ADGRE1: variants seen among roughly 807,000 people sequenced by gnomAD.
ADGRE1 encodes the protein adhesion G protein-coupled receptor E1, also known as EGF-like module receptor 1.
Under a neutral mutation model 102.7 loss-of-function variants are expected in ADGRE1, and 82 were observed. That is an observed-to-expected ratio of 0.80 (90% CI 0.67 to 0.96). The LOEUF (loss-of-function observed/expected upper bound fraction) is 0.96, where lower values mean the gene tolerates loss of function less well. Ranked by LOEUF, ADGRE1 falls within the 40% of genes least tolerant of loss-of-function variation. ADGRE1 has a pLI of 0.00. For missense variants in ADGRE1, 1,032 were observed against 1,085.3 expected (o/e 0.95, Z 0.69); for synonymous variants, 398 against 399.6 (o/e 1.00, Z 0.05).
At chr19:6,934,419 CTTTT>C (rs71177132) in intron 17 of ADGRE1, among the ~76,000 whole-genome samples, 10 of 95,448 alleles carry the variant, frequency 1.0e-4, no homozygotes, top group South Asian at 6.3e-4. Flanking sequence ...TCTTCTTCTT[CTTTT>C]TTTTTTTTTT....
chr19:6,930,740 C>T (rs1013996307), intron 17 of ADGRE1, among the ~76,000 whole-genome samples: 29 of 152,220 alleles, frequency 1.9e-4, no homozygotes, highest in Admixed American at 1.2e-3. Context: ...TGGGTTCAAG[C>T]GATTCTCCTG....
intron 12 of ADGRE1, among the ~76,000 whole-genome samples, chr19:6,918,491 G>A (rs1459782784): frequency 6.6e-6 from 1 of 152,080 alleles, no homozygotes; most frequent in Non-Finnish European, 1.5e-5. Flanking sequence ...ATGTCTGGGG[G>A]GACATCCAAG....
chr19:6,920,121 A>C (rs1377595629), intron 13 of ADGRE1, among the ~76,000 whole-genome samples: 2 of 152,136 alleles, frequency 1.3e-5, no homozygotes, highest in Non-Finnish European at 2.9e-5. Context: ...ATCTGATTGC[A>C]TCTTACAATG....
intron 11 of ADGRE1, among the ~76,000 whole-genome samples, chr19:6,915,603 C>T (rs1275548844): frequency 6.6e-6 from 1 of 152,022 alleles, no homozygotes; most frequent in African/African-American, 2.4e-5. Flanking sequence ...TGCCCCAATC[C>T]CTTACTATTT....
chr19:6,935,148 C>A, intron 18 of ADGRE1, 70 bp downstream of exon 18: 1 of 1,292,116 alleles, frequency 7.7e-7, no homozygotes, highest in Non-Finnish European at 1.1e-6. Flanking sequence ...GTTCTTTGAG[C>A]ACTTCTTGTG....
At chr19:6,934,417 TTC>T (rs1222433711) in intron 17 of ADGRE1, among the ~76,000 whole-genome samples, 74 of 108,724 alleles carry the variant, frequency 6.8e-4, no homozygotes, top group African/African-American at 3.9e-3. Flanking sequence ...CTTCTTCTTC[TTC>T]TTTTTTTTTT....
At chr19:6,908,667 T>TC (rs1411900341) in intron 9 of ADGRE1, 22 bp from the exon 10 acceptor site, 3 of 1,562,334 alleles carry the variant, frequency 1.9e-6, no homozygotes, top group Non-Finnish European at 2.6e-6. Flanking sequence ...AAATGCTCTT[T>TC]TTTTTTTTTT....
intron 17 of ADGRE1, among the ~76,000 whole-genome samples, chr19:6,929,879 A>G (rs1388550875): frequency 6.6e-6 from 1 of 152,078 alleles, no homozygotes. Flanking sequence ...TCCTAACCTC[A>G]GTTAATCCAC....
At chr19:6,923,064 C>T (rs765873447) in intron 14 of ADGRE1, among the ~76,000 whole-genome samples, 1 of 150,492 alleles carries the variant, frequency 6.6e-6, no homozygotes, top group Non-Finnish European at 1.5e-5. Context: ...GTGACAGAAC[C>T]AGACTCCGTC....
intron 12 of ADGRE1, among the ~76,000 whole-genome samples, chr19:6,917,983 T>C (rs1311024952): frequency 6.6e-6 from 1 of 152,000 alleles, no homozygotes; most frequent in African/African-American, 2.4e-5. Context: ...GAGAGAGATG[T>C]GAGGCTTGGT....
intron 17 of ADGRE1, among the ~76,000 whole-genome samples, chr19:6,930,875 G>T (rs987921976): frequency 1.3e-5 from 2 of 151,928 alleles, no homozygotes; most frequent in Non-Finnish European, 2.9e-5. Flanking sequence ...ATGACCTCAG[G>T]TGACCCACCC....
intron 18 of ADGRE1, 66 bp from the exon 19 acceptor site, chr19:6,937,177 G>A: frequency 6.5e-7 from 1 of 1,541,034 alleles, no homozygotes. Context: ...ACCATTCCTG[G>A]AAGTGTGGCC....
chr19:6,937,370 G>A lies in ADGRE1; in HGVS notation c.2509G>A (p.Gly837Arg). 6.2e-7 allele frequency: 1 copy of A among 1,613,918 alleles called. No homozygotes were observed. Among genetic ancestry groups the A allele is most frequent in the Non-Finnish European group, 8.5e-7 (1 of 1,179,996 alleles). Residue 837 changes from glycine to arginine, a missense_variant, in exon 19 of 21, where the codon GGG becomes AGG. Coordinates refer to ENST00000312053, the MANE Select transcript of ADGRE1 (RefSeq NM_001974.5). Reference protein sequence around the residue: ...YLFTIINSLQGAFIFLIHCLL... With the variant: ...YLFTIINSLQRAFIFLIHCLL... Reference sequence around the variant, plus strand: ...GTTCACCATCATCAACAGCCTGCAGGGGGCCTTCATCTTCCTCATCCACTG... The same window carrying A: ...GTTCACCATCATCAACAGCCTGCAGAGGGCCTTCATCTTCCTCATCCACTG...
intron 16 of ADGRE1, 107 bp from the exon 17 acceptor site, chr19:6,928,038 G>A: frequency 7.3e-7 from 1 of 1,365,544 alleles, no homozygotes; most frequent in East Asian, 2.3e-5. Context: ...CATCATCTGA[G>A]TCTCACCTCC....
At position 6,934,411 on chromosome 19, in the gene ADGRE1, TTC is replaced by T. The variant is rs1975296364; in HGVS notation, c.2290-574_2290-573del. 2.2e-5 allele frequency among the ~76,000 whole-genome samples: 3 copies of T among 138,134 alleles called. 1 individual carries two copies. Among genetic ancestry groups the T allele is most frequent in the Admixed American group, 7.2e-5 (1 of 13,984 alleles). 90.6% of individuals were successfully genotyped at this position (138,134 alleles called of 152,430 possible). A position where few individuals can be genotyped will look rare whatever the true frequency, so the allele number is the denominator to read the frequency against. On this transcript the variant is annotated intron_variant, in intron 17 of 20. Transcript: ENST00000312053. ...TATAAATCGTGGGTCAGAATTCTTCTTCTTCTTCTTTTTTTTTTTTTTTTTTT... is the reference window on the plus strand; with the variant it reads ...TATAAATCGTGGGTCAGAATTCTTCTTTCTTCTTTTTTTTTTTTTTTTTTT...
chr19:6,915,930 A>C (rs145936399), intron 11 of ADGRE1, among the ~76,000 whole-genome samples: 25 of 136,996 alleles, frequency 1.8e-4, no homozygotes, highest in Non-Finnish European at 3.7e-4. Context: ...CAAAAAAAAA[A>C]AAAAAAAAAA....
chr19:6,935,232 A>C (rs959660528), intron 18 of ADGRE1, among the ~76,000 whole-genome samples, 154 bp downstream of exon 18: 8 of 152,074 alleles, frequency 5.3e-5, no homozygotes, highest in Non-Finnish European at 1.0e-4. Context: ...CTGGAGGCTT[A>C]AAGTCCAGCT....
intron 16 of ADGRE1, among the ~76,000 whole-genome samples, chr19:6,927,433 C>T (rs1275875385): frequency 1.3e-5 from 2 of 151,946 alleles, no homozygotes; most frequent in East Asian, 3.9e-4. Flanking sequence ...ACACCTAAGG[C>T]CCAAATTCTC....
At chr19:6,919,516 C>A (rs1363874768) in intron 12 of ADGRE1, 32 bp from the exon 13 acceptor site, 1 of 1,592,690 alleles carries the variant, frequency 6.3e-7, no homozygotes, top group East Asian at 2.3e-5. Context: ...GCAAACGATT[C>A]CTTCCTTTTT....
Sources: gnomAD v4.1 joint callset for allele counts (sites outside exome capture counted in the v4.1 genomes callset) on GRCh38, gnomAD v4.1.1 for gene constraint, MANE v1.5 for transcripts, NCBI Gene and HGNC (gene_info 2026-07-23, HGNC 2026-07-21) for gene names.